The following CCNH variants were observed in gnomAD, a reference collection of about 807,000 sequenced individuals.
The protein encoded by CCNH is cyclin H.
CCNH carries 31 observed loss-of-function variants against 41.9 expected under a neutral mutation model. That is an observed-to-expected ratio of 0.74 (90% CI 0.56 to 1.00). The LOEUF is 1.00. Among genes scored for constraint, CCNH ranks in the 50% least tolerant of loss-of-function variants. CCNH has a pLI of 0.00. For synonymous variants in CCNH, 138 were observed against 136.1 expected (o/e 1.01, Z -0.10); for missense variants, 362 against 388.4 (o/e 0.93, Z 0.57).
intron 9 of CCNH, among the ~76,000 whole-genome samples, chr5:87,337,561 G>A (rs758000414): frequency 8.6e-5 from 13 of 151,782 alleles, no homozygotes; most frequent in Non-Finnish European, 1.8e-4. Flanking sequence ...TATTTATTTT[G>A]TGTTTTGATT....
intron 9 of CCNH, among the ~76,000 whole-genome samples, chr5:87,342,162 CTTTTTTT>C (rs531793273): frequency 7.2e-6 from 1 of 139,788 alleles, no homozygotes; most frequent in African/African-American, 2.6e-5. Context: ...GTTATTTTTT[CTTTTTTT>C]TTTTTTTTGA....
intron 9 of CCNH, among the ~76,000 whole-genome samples, chr5:87,348,737 G>T (rs1759043044): frequency 6.6e-6 from 1 of 151,596 alleles, no homozygotes; most frequent in Non-Finnish European, 1.5e-5. Flanking sequence ...GGGATTATAT[G>T]CATGTACCAC....
downstream of CCNH, chr5:87,392,874 G>A (rs1762618827): frequency 6.5e-6 from 1 of 153,374 alleles, no homozygotes; most frequent in Non-Finnish European, 1.5e-5. Context: ...TGATAAGTGT[G>A]GACCTTGCTC....
At chr5:87,393,431 T>C (rs895484791), downstream of CCNH, 7 of 152,196 alleles carry the variant, frequency 4.6e-5, no homozygotes, top group Admixed American at 2.0e-4. Flanking sequence ...GGCATTTTTA[T>C]CTTCCCCATT....
At chr5:87,361,665 A>C (rs926711205) in intron 9 of CCNH, among the ~76,000 whole-genome samples, 7 of 152,202 alleles carry the variant, frequency 4.6e-5, no homozygotes, top group African/African-American at 1.7e-4. Flanking sequence ...TTAGCAATTA[A>C]TGTAAGTTCT....
intron 9 of CCNH, among the ~76,000 whole-genome samples, chr5:87,383,174 T>G (rs893621721): frequency 6.6e-6 from 1 of 152,130 alleles, no homozygotes; most frequent in Non-Finnish European, 1.5e-5. Flanking sequence ...ATAAGTCACT[T>G]TTTCTCTAGT....
At chr5:87,411,423 GATTAA>G (rs1764231711) in intron 1 of CCNH, 77 bp from the exon 2 acceptor site, 1 of 1,420,700 alleles carries the variant, frequency 7.0e-7, no homozygotes, top group Non-Finnish European at 9.4e-7. Flanking sequence ...TCTCTATCTA[GATTAA>G]ATTTAGTTTA....
downstream of CCNH, among the ~76,000 whole-genome samples, chr5:87,393,234 G>A (rs1762650683): frequency 6.6e-6 from 1 of 152,144 alleles, no homozygotes; most frequent in Non-Finnish European, 1.5e-5. Flanking sequence ...CTGAGGAGGT[G>A]TGTGTATTTG....
At chr5:87,394,258 C>T, downstream of CCNH, 1 of 1,269,068 alleles carries the variant, frequency 7.9e-7, no homozygotes, top group Non-Finnish European at 1.0e-6. Context: ...ATATTCAAAA[C>T]AGGTGCTATT....
At chr5:87,381,849 A>C (rs955023631), upstream of CCNH, among the ~76,000 whole-genome samples, 1 of 152,224 alleles carries the variant, frequency 6.6e-6, no homozygotes, top group African/African-American at 2.4e-5. Flanking sequence ...CATTTTTGCC[A>C]AGGTTAGGTT....
At chr5:87,332,360 G>C in intron 9 of CCNH, 1 of 760,064 alleles carries the variant, frequency 1.3e-6, no homozygotes, top group Non-Finnish European at 2.1e-6. Flanking sequence ...CTGTGATGAA[G>C]ATACTAATAA....
downstream of CCNH, chr5:87,391,517 A>G (rs1762514594): frequency 4.2e-6 from 1 of 237,866 alleles, no homozygotes; most frequent in Admixed American, 5.2e-5. Context: ...TTTATTTTTT[A>G]AACATACGAC....
intron 3 of CCNH, chr5:87,409,004 G>C (rs1479520520): frequency 4.6e-6 from 1 of 216,826 alleles, no homozygotes. Flanking sequence ...GAAGAACAAA[G>C]GTGTCTAATA....
At chr5:87,412,162 T>C (rs1467759275) in intron 1 of CCNH, among the ~76,000 whole-genome samples, 4 of 152,170 alleles carry the variant, frequency 2.6e-5, no homozygotes, top group African/African-American at 4.8e-5. Context: ...TCAGTGGAAA[T>C]GTTAAACGCC....
intron 9 of CCNH, among the ~76,000 whole-genome samples, chr5:87,358,117 A>AAG (rs1759792802): frequency 6.6e-6 from 1 of 152,142 alleles, no homozygotes; most frequent in African/African-American, 2.4e-5. Flanking sequence ...CTCATCTTCC[A>AAG]ATGAGGTGAC....
downstream of CCNH, chr5:87,386,911 T>C (rs749602676): frequency 2.2e-5 from 35 of 1,607,024 alleles, no homozygotes; most frequent in Non-Finnish European, 2.7e-5. Flanking sequence ...GGGGTATGTA[T>C]ATAGTTTTCA....
At chr5:87,398,972 CAAA>C (rs1763180901) in intron 7 of CCNH, among the ~76,000 whole-genome samples, 1 of 143,878 alleles carries the variant, frequency 7.0e-6, no homozygotes, top group African/African-American at 2.6e-5. Flanking sequence ...GACTCCATCT[CAAA>C]GAAAAAAAAA....
At chr5:87,322,313 A>C (rs893554000) in intron 9 of CCNH, among the ~76,000 whole-genome samples, 1 of 152,212 alleles carries the variant, frequency 6.6e-6, no homozygotes, top group Non-Finnish European at 1.5e-5. Flanking sequence ...CAGCAGCAGC[A>C]TTAGATTTTC....
At chr5:87,397,527 T>C (rs1336920887) in intron 7 of CCNH, among the ~76,000 whole-genome samples, 3 of 152,216 alleles carry the variant, frequency 2.0e-5, no homozygotes, top group Admixed American at 1.3e-4. Flanking sequence ...AACTTGAGCT[T>C]ATGTTTTTGT....
Sources: gnomAD v4.1 joint callset for allele counts (sites outside exome capture counted in the v4.1 genomes callset) on GRCh38, gnomAD v4.1.1 for gene constraint, MANE v1.5 for transcripts, NCBI Gene and HGNC (gene_info 2026-07-23, HGNC 2026-07-21) for gene names.